The following ANKH variants were observed in gnomAD, a reference collection of about 807,000 sequenced individuals.
ANKH encodes mineralization regulator ANKH.
ANKH carries 15 observed loss-of-function variants against 49.0 expected under a neutral mutation model. That is an observed-to-expected ratio of 0.31 (90% CI 0.20 to 0.47). ANKH has a LOEUF of 0.47. Among genes scored for constraint, ANKH ranks in the 20% least tolerant of loss-of-function variants. ANKH has a pLI of 1.00. For missense variants in ANKH, 429 were observed against 652.0 expected (o/e 0.66, Z 3.72); for synonymous variants, 273 against 260.0 (o/e 1.05, Z -0.48).
At position 14,713,735 on chromosome 5, in the gene ANKH, C is replaced by A; in HGVS notation, c.1142-68G>T. On this transcript the variant is annotated intron_variant, in intron 9 of 11. Transcript: ENST00000284268. This position sits in a 1 kb window ranked among gnomAD's most constrained non-coding sequence, Gnocchi z 4.4. ...CACTCCCCATCCTGCTGCCTCTGGACCAGGGCAGCACATCCGAGAGCCAGG... is the reference window on the plus strand; with the variant it reads ...CACTCCCCATCCTGCTGCCTCTGGAACAGGGCAGCACATCCGAGAGCCAGG... 1.9e-6 allele frequency: 3 copies of A among 1,609,108 alleles called. No individual in the cohort carries two copies. Among genetic ancestry groups the A allele is most frequent in the Non-Finnish European group, 2.5e-6 (3 of 1,178,036 alleles).
chr5:14,787,001 T>A (rs1334195552), intron 1 of ANKH, among the ~76,000 whole-genome samples: 1 of 152,166 alleles, frequency 6.6e-6, no homozygotes, highest in Non-Finnish European at 1.5e-5. Flanking sequence ...TGAAAGTCAA[T>A]GTACTGAAGT....
At chr5:14,853,293 T>C (rs746879576) in intron 1 of ANKH, among the ~76,000 whole-genome samples, 9 of 152,226 alleles carry the variant, frequency 5.9e-5, no homozygotes, top group Non-Finnish European at 1.2e-4. Context: ...ATAACTTAGG[T>C]GGTCAGGTGT....
chr5:14,742,961 C>T (rs528725502), intron 7 of ANKH, among the ~76,000 whole-genome samples: 1 of 152,280 alleles, frequency 6.6e-6, no homozygotes, highest in Admixed American at 6.5e-5. Context: ...GTCCCAGAGT[C>T]GACTCACAAA....
chr5:14,718,755 A>G (rs1296881920), intron 8 of ANKH, among the ~76,000 whole-genome samples: 1 of 150,236 alleles, frequency 6.7e-6, no homozygotes, highest in Non-Finnish European at 1.5e-5. Flanking sequence ...GGTTGTGGTG[A>G]GCTGAGATGG....
chr5:14,844,087 G>A (rs1320018060), intron 1 of ANKH, among the ~76,000 whole-genome samples: 1 of 152,202 alleles, frequency 6.6e-6, no homozygotes, highest in East Asian at 1.9e-4. Context: ...TGGTTGCAGA[G>A]AGAAAAAACT....
intron 8 of ANKH, among the ~76,000 whole-genome samples, chr5:14,731,303 CCAAA>C (rs1348973977): frequency 1.3e-5 from 2 of 152,044 alleles, no homozygotes; most frequent in African/African-American, 2.4e-5. Flanking sequence ...TATGGTGGTA[CCAAA>C]CAATGTGTCC....
Position 14,769,170 on chromosome 5 carries a change from C to T in ANKH, c.118G>A (p.Ala40Thr). ...ATCTCGACTGCATCCTCCTTGACAG[C>T]AGCAATGCCCCGGTTCAAGGCCTGG... ...GEQALNRGIA[A>T]VKEDAVEMLA... The change falls in exon 2 of 12, where the codon GCT becomes ACT. Residue 40 changes from alanine to threonine, a missense_variant. Physicochemically the swap from Ala to Thr is moderately conservative, Grantham distance 58 (BLOSUM62 0). This residue lies in a region of ANKH where 378 missense variants were observed against 615.3 expected (regional missense o/e 0.61). Transcript: ENST00000284268. 1 of 1,613,948 alleles carries T rather than the reference C, an allele frequency of 6.2e-7. No individual in the cohort carries two copies. The highest frequency in any genetic ancestry group is 1.1e-5 in the South Asian group (1 of 91,030).
intron 1 of ANKH, among the ~76,000 whole-genome samples, chr5:14,782,509 T>C (rs1470592270): frequency 6.6e-6 from 1 of 152,174 alleles, no homozygotes; most frequent in Non-Finnish European, 1.5e-5. Context: ...AATTAGAGAT[T>C]ATAGTTGATG....
intron 7 of ANKH, among the ~76,000 whole-genome samples, chr5:14,742,827 C>T (rs1420136532): frequency 2.0e-5 from 3 of 152,226 alleles, no homozygotes; most frequent in African/African-American, 4.8e-5. Context: ...GTCAAAGGCG[C>T]CTGCCGAGGC....
At chr5:14,820,775 T>G (rs769421244) in intron 1 of ANKH, among the ~76,000 whole-genome samples, 24 of 152,180 alleles carry the variant, frequency 1.6e-4, no homozygotes, top group Non-Finnish European at 2.8e-4. Context: ...AAGGAGAGAA[T>G]TTTTGTCAGT....
At chr5:14,863,470 T>C (rs986590860) in intron 1 of ANKH, among the ~76,000 whole-genome samples, 3 of 152,162 alleles carry the variant, frequency 2.0e-5, no homozygotes, top group Admixed American at 1.3e-4. Flanking sequence ...AGGCTAGACT[T>C]CCAACAACCC....
At chr5:14,789,957 G>A (rs997907769) in intron 1 of ANKH, among the ~76,000 whole-genome samples, 16 of 152,264 alleles carry the variant, frequency 1.1e-4, no homozygotes, top group Non-Finnish European at 2.1e-4. Flanking sequence ...CGATCTACCC[G>A]CCTCGGCCTC....
chr5:14,822,463 T>C (rs1444944949), intron 1 of ANKH, among the ~76,000 whole-genome samples: 2 of 152,168 alleles, frequency 1.3e-5, no homozygotes, highest in Non-Finnish European at 2.9e-5. Flanking sequence ...TATTTCACAC[T>C]TCAGAAATAG....
intron 2 of ANKH, among the ~76,000 whole-genome samples, chr5:14,763,962 G>C (rs1739176458): frequency 6.6e-6 from 1 of 152,124 alleles, no homozygotes; most frequent in African/African-American, 2.4e-5. Flanking sequence ...GGTGGCAGGT[G>C]CCTGTAATCC....
intron 1 of ANKH, chr5:14,869,811 C>A (rs1287415035): frequency 1.3e-5 from 2 of 152,200 alleles, no homozygotes; most frequent in South Asian, 4.1e-4. Context: ...CTTACATGCA[C>A]ACAAACACAC....
chr5:14,857,449 G>T (rs1735313209), intron 1 of ANKH, among the ~76,000 whole-genome samples: 1 of 152,168 alleles, frequency 6.6e-6, no homozygotes, highest in Non-Finnish European at 1.5e-5. Flanking sequence ...GAGGTCAGGA[G>T]TTCAAGACCA....
At chr5:14,757,114 G>A (rs1738911763) in intron 3 of ANKH, among the ~76,000 whole-genome samples, 1 of 149,368 alleles carries the variant, frequency 6.7e-6, no homozygotes, top group Non-Finnish European at 1.5e-5. Flanking sequence ...ACACAGATGG[G>A]AGGACAGACC....
chr5:14,821,275 A>G (rs540586630), intron 1 of ANKH, among the ~76,000 whole-genome samples: 3 of 152,292 alleles, frequency 2.0e-5, no homozygotes, highest in African/African-American at 7.2e-5. Flanking sequence ...TCCCTCTCCA[A>G]TCAACACTAA....
chr5:14,742,621 G>A lies in ANKH; in HGVS notation c.916-699C>T, dbSNP rs181936971. On this transcript the variant is annotated intron_variant, in intron 7 of 11. Coordinates refer to ENST00000284268, the MANE Select transcript of ANKH (RefSeq NM_054027.6). ...CCTCCTGTAAAGCCTGATGACCCTG[G>A]AGCTCTCTGAGGGCAGGCATCATGT... is the stretch of plus-strand genomic sequence containing the variant. Among the ~76,000 whole-genome samples the A allele has an allele frequency of 7.3e-3, 1,108 of 152,276 alleles. 6 individuals carry two copies. The highest frequency in any genetic ancestry group is 0.012 in the Non-Finnish European group (820 of 68,022).
Sources: allele counts gnomAD v4.1 joint callset (sites outside exome capture counted in the v4.1 genomes callset), GRCh38; gene constraint gnomAD v4.1.1; regional missense constraint gnomAD v4.1.1; non-coding constraint Gnocchi (gnomAD v3.1); transcripts MANE v1.5; gene names NCBI Gene and HGNC (gene_info 2026-07-23, HGNC 2026-07-21).